BCO2: variants seen among roughly 807,000 people sequenced by gnomAD.
BCO2 encodes the protein carotenoid-cleaving dioxygenase, mitochondrial.
Under a neutral mutation model 65.8 loss-of-function variants are expected in BCO2, and 56 were observed. The ratio of observed to expected loss-of-function variants is 0.85; its 90% confidence interval spans 0.69 to 1.06. BCO2 has a LOEUF of 1.06. Among genes scored for constraint, BCO2 ranks in the 50% least tolerant of loss-of-function variants. The pLI is 0.00. For missense variants in BCO2, 675 were observed against 698.5 expected (o/e 0.97, Z 0.38); for synonymous variants, 233 against 242.3 (o/e 0.96, Z 0.36).
intron 2 of BCO2, among the ~76,000 whole-genome samples, chr11:112,190,005 G>T (rs1164308401): frequency 3.9e-5 from 6 of 152,136 alleles, no homozygotes; most frequent in Non-Finnish European, 8.8e-5. Flanking sequence ...TACAAAATAG[G>T]CCAAATATCG....
Position 112,180,744 on chromosome 11 carries a change from C to T in BCO2, c.293+1262C>T, listed in dbSNP as rs867211727. The T allele has an allele frequency of 6.7e-5, 57 of 852,028 alleles. No homozygotes were observed. In the Middle Eastern group the frequency reaches 1.7e-3, roughly 25 times the overall value. The allele number at this position is 852,028 out of a possible 1,614,324, so 52.8% of individuals were successfully genotyped here. A position where few individuals can be genotyped will look rare whatever the true frequency, so the allele number is the denominator to read the frequency against. On this transcript the variant is annotated intron_variant, in intron 2 of 11. Transcript: ENST00000357685. ...GGAGGACCAGGTGGGAGGGTGGTGGCCCACTCAGGACCCAGTGGGGGCAGC... is the reference window on the plus strand; with the variant it reads ...GGAGGACCAGGTGGGAGGGTGGTGGTCCACTCAGGACCCAGTGGGGGCAGC...
intron 2 of BCO2, among the ~76,000 whole-genome samples, chr11:112,187,818 TTCAAACCCTTGTTCTG>T (rs1311585056): frequency 2.0e-5 from 3 of 151,646 alleles, no homozygotes; most frequent in African/African-American, 7.2e-5. Context: ...CATCACTGAA[TTCAAACCCTTGTTCTG>T]TCACTGAGCA....
chr11:112,204,054 A>G (rs1349284626), intron 8 of BCO2, among the ~76,000 whole-genome samples: 1 of 152,088 alleles, frequency 6.6e-6, no homozygotes, highest in African/African-American at 2.4e-5. Flanking sequence ...AGGTTTCACC[A>G]TGTTGGCCAG....
In BCO2 at chr11:112,216,308, C is replaced by G; in HGVS notation, c.1604C>G (p.Ser535Cys). Reference protein sequence around the residue: ...TNEEDGGVILSVVITPNQNES... With the variant: ...TNEEDGGVILCVVITPNQNES... ...GAAGAAGATGGTGGGGTTATTCTTT[C>G]TGTGGTGATCACTCCCAACCAGGTA... Residue 535 changes from serine (S) to cysteine (C), a missense_variant, in exon 11 of 12, where the codon TCT (serine) becomes TGT (cysteine). By Grantham distance (112) the Ser-to-Cys change is moderately radical (BLOSUM62 -1). Transcript: ENST00000357685. 1 of 1,613,948 alleles carries G rather than the reference C, an allele frequency of 6.2e-7. No homozygotes were observed. Among genetic ancestry groups the G allele is most frequent in the South Asian group, 1.1e-5 (1 of 91,080 alleles).
intron 2 of BCO2, among the ~76,000 whole-genome samples, chr11:112,190,001 A>C (rs1006446351): frequency 2.0e-5 from 3 of 152,220 alleles, no homozygotes; most frequent in South Asian, 2.1e-4. Flanking sequence ...AAAGTACAAA[A>C]TAGGCCAAAT....
At chr11:112,217,618 C>T in intron 11 of BCO2, 143 bp from the exon 12 acceptor site, 2 of 588,768 alleles carry the variant, frequency 3.4e-6, no homozygotes, top group Non-Finnish European at 6.0e-6. Flanking sequence ...ACCTCGGCCT[C>T]CCAAAGTGCT....
chr11:112,179,156 T>G, intron 1 of BCO2, 122 bp from the exon 2 acceptor site: 1 of 816,862 alleles, frequency 1.2e-6, no homozygotes, highest in Non-Finnish European at 1.9e-6. Flanking sequence ...GAGCCTGTAT[T>G]TGGTGTTAGG....
chr11:112,214,340 G>A (rs1248829327), intron 9 of BCO2, among the ~76,000 whole-genome samples: 1 of 152,052 alleles, frequency 6.6e-6, no homozygotes, highest in Non-Finnish European at 1.5e-5. Flanking sequence ...GTTGAGATGG[G>A]GTTTTGCCAT....
intron 2 of BCO2, among the ~76,000 whole-genome samples, chr11:112,186,091 G>T (rs1867192192): frequency 6.6e-6 from 1 of 152,178 alleles, no homozygotes; most frequent in Non-Finnish European, 1.5e-5. Context: ...AAAAGATTAT[G>T]AGGCAAAGAG....
At chr11:112,207,346 A>G (rs553123680) in intron 8 of BCO2, among the ~76,000 whole-genome samples, 11 of 152,222 alleles carry the variant, frequency 7.2e-5, no homozygotes, top group Non-Finnish European at 1.5e-4. Context: ...ATGAATAAAC[A>G]TTCTTAACTT....
At chr11:112,203,920 T>C (rs1341839412) in intron 8 of BCO2, among the ~76,000 whole-genome samples, 5 of 152,136 alleles carry the variant, frequency 3.3e-5, no homozygotes, top group African/African-American at 7.2e-5. Context: ...AGTGGCGCGA[T>C]CTCGGCTTAC....
intron 9 of BCO2, 90 bp downstream of exon 9, chr11:112,213,951 A>G (rs139767050): frequency 8.5e-6 from 9 of 1,054,560 alleles, no homozygotes; most frequent in Middle Eastern, 2.5e-4. Context: ...CTGGTACCCA[A>G]TAACTTTTAT....
Position 112,217,825 on chromosome 11 carries a change from T to C in BCO2, c.1691T>C (p.Val564Ala). ...KNFEELGRAE[V>A]PVQMPYGFHG... is the part of the protein sequence containing the mutation. ...TTTGAAGAGCTGGGCCGAGCAGAGGTACCTGTGCAGATGCCTTATGGGTTC... is the reference window on the plus strand; with the variant it reads ...TTTGAAGAGCTGGGCCGAGCAGAGGCACCTGTGCAGATGCCTTATGGGTTC... Residue 564 changes from valine to alanine, a missense_variant, in exon 12 of 12, where the codon GTA becomes GCA. Coordinates refer to ENST00000357685, the MANE Select transcript of BCO2 (RefSeq NM_031938.7). The C allele has an allele frequency of 6.2e-7, 1 of 1,614,174 alleles. No individual in the cohort carries two copies. The highest frequency in any genetic ancestry group is 8.5e-7 in the Non-Finnish European group (1 of 1,180,008).
intron 2 of BCO2, among the ~76,000 whole-genome samples, chr11:112,180,366 TAC>T (rs1408967309): frequency 6.6e-6 from 1 of 152,218 alleles, no homozygotes. Flanking sequence ...TTTAATTCTC[TAC>T]ACAGTGTTAT....
At chr11:112,211,899 G>T (rs1455005153) in intron 8 of BCO2, among the ~76,000 whole-genome samples, 1 of 152,130 alleles carries the variant, frequency 6.6e-6, no homozygotes, top group African/African-American at 2.4e-5. Flanking sequence ...TGTTTTCAAT[G>T]GGGTAGTTGA....
intron 5 of BCO2, 35 bp from the exon 6 acceptor site, chr11:112,199,664 G>A: frequency 6.3e-7 from 1 of 1,598,858 alleles, no homozygotes; most frequent in South Asian, 1.1e-5. Context: ...TAGAATATAT[G>A]TAAAACAGGT....
At chr11:112,182,411 T>C (rs1217166229) in intron 2 of BCO2, among the ~76,000 whole-genome samples, 1 of 152,198 alleles carries the variant, frequency 6.6e-6, no homozygotes, top group Admixed American at 6.5e-5. Context: ...CCTATGTTTA[T>C]TGTGGCACTA....
At chr11:112,203,418 C>CT (rs1278833052) in intron 8 of BCO2, among the ~76,000 whole-genome samples, 3 of 152,090 alleles carry the variant, frequency 2.0e-5, no homozygotes, top group Admixed American at 6.5e-5. Context: ...TTTTGCATGT[C>CT]TATAAATTTT....
chr11:112,189,726 C>G (rs1867317344), intron 2 of BCO2, among the ~76,000 whole-genome samples: 1 of 151,994 alleles, frequency 6.6e-6, no homozygotes, highest in African/African-American at 2.4e-5. Context: ...TTTAAGTAGA[C>G]CAGTTTCTTT....
Sources: allele counts gnomAD v4.1 joint callset (sites outside exome capture counted in the v4.1 genomes callset), GRCh38; gene constraint gnomAD v4.1.1; transcripts MANE v1.5; gene names NCBI Gene and HGNC (gene_info 2026-07-23, HGNC 2026-07-21).